Variants in KTN1 observed in about 807,000 individuals in gnomAD.
The protein encoded by KTN1 is kinectin 1.
In KTN1, 130 loss-of-function variants were observed where a neutral mutation model predicts 222.5. That is an observed-to-expected ratio of 0.58 (90% CI 0.51 to 0.68). The LOEUF (loss-of-function observed/expected upper bound fraction) is 0.68. Ranked by LOEUF, KTN1 falls within the 30% of genes least tolerant of loss-of-function variation. KTN1 has a pLI of 0.00. For synonymous variants in KTN1, 512 were observed against 496.3 expected (o/e 1.03, Z -0.42); for missense variants, 1,508 against 1,500.4 (o/e 1.01, Z -0.08).
chr14:55,620,430 T>A (rs2093800), intron 5 of KTN1, among the ~76,000 whole-genome samples: 2 of 151,976 alleles, frequency 1.3e-5, no homozygotes. Flanking sequence ...TTTCCCTTCC[T>A]CACTACCCTA....
intron 43 of KTN1, chr14:55,683,413 A>T (rs937443984): frequency 6.6e-6 from 1 of 152,136 alleles, no homozygotes; most frequent in Admixed American, 6.5e-5. Flanking sequence ...ATGACATTTT[A>T]TCTCTAAGTA....
chr14:55,624,018 T>C (rs1372496331), intron 5 of KTN1, among the ~76,000 whole-genome samples: 2 of 152,312 alleles, frequency 1.3e-5, no homozygotes, highest in South Asian at 2.1e-4. Flanking sequence ...TGGAAACTAT[T>C]AAAGATAGCA....
chr14:55,599,153 TA>T (rs1471980769), intron 1 of KTN1, among the ~76,000 whole-genome samples: 1 of 152,206 alleles, frequency 6.6e-6, no homozygotes, highest in Non-Finnish European at 1.5e-5. Flanking sequence ...ACATAATTTA[TA>T]AAATTCAAGT....
Position 55,650,637 on chromosome 14 carries a change from G to A in KTN1, c.2565G>A (p.Gln855=). 1.2e-6 allele frequency: 2 copies of A among 1,601,264 alleles called. No individual in the cohort carries two copies. Among genetic ancestry groups the A allele is most frequent in the South Asian group, 1.1e-5 (1 of 90,492 alleles). ...ATGTCCAGCTTGAAAAGGCTCAACA[G>A]GTAAAAATCCCAGAGCCATAGCATG... ...IGNVQLEKAQ[Q]LSITSKVQEL... The change falls in exon 24 of 44, where the codon CAG becomes CAA. Residue 855 remains glutamine (Q), a splice_region_variant and synonymous_variant. Transcript: ENST00000395314.
Position 55,684,109 on chromosome 14 carries a change from T to C in KTN1, c.*6T>C. The C allele has an allele frequency of 6.2e-7, 1 of 1,602,190 alleles. No individual in the cohort carries two copies. The highest frequency in any genetic ancestry group is 8.5e-7 in the Non-Finnish European group (1 of 1,172,604). Reference sequence around the variant, plus strand: ...TCTGATCTTTTACAGAGTGAAGTAATTGGGAAACTGTTCATTTGAGGATAA... The same window carrying C: ...TCTGATCTTTTACAGAGTGAAGTAACTGGGAAACTGTTCATTTGAGGATAA... On this transcript the variant is annotated 3_prime_UTR_variant, in exon 44 of 44. Coordinates refer to ENST00000395314, the MANE Select transcript of KTN1 (RefSeq NM_001079521.2).
At chr14:55,662,207 C>T (rs960405522) in intron 32 of KTN1, among the ~76,000 whole-genome samples, 2 of 151,900 alleles carry the variant, frequency 1.3e-5, no homozygotes, top group African/African-American at 4.8e-5. Flanking sequence ...GCTGGAACTA[C>T]AGGCGTGCAC....
At chr14:55,672,572 T>C (rs1194576068) in intron 37 of KTN1, 58 bp from the exon 38 acceptor site, 2 of 1,017,378 alleles carry the variant, frequency 2.0e-6, no homozygotes, top group Non-Finnish European at 3.1e-6. Context: ...TTCTACAGGA[T>C]AGAAACTGCT....
In KTN1 at chr14:55,641,105, ATT is replaced by A; in HGVS notation, c.2022-13_2022-12del. The A allele has an allele frequency of 2.1e-6, 3 of 1,447,104 alleles. No homozygotes were observed. Among genetic ancestry groups the A allele is most frequent in the Non-Finnish European group, 2.8e-6 (3 of 1,057,982 alleles). The allele number at this position is 1,447,104 out of a possible 1,614,324, so 89.6% of individuals were successfully genotyped here. A position where few individuals can be genotyped will look rare whatever the true frequency, so the allele number is the denominator to read the frequency against. ...TTTTCTGAATGTATGAAGTATTTTAATTTTTTTTTTCACCCTCATAGTGTTTA... is the reference window on the plus strand; with the variant it reads ...TTTTCTGAATGTATGAAGTATTTTAATTTTTTTTCACCCTCATAGTGTTTA... On this transcript the variant is annotated intron_variant, in intron 16 of 43. Coordinates refer to ENST00000395314, the MANE Select transcript of KTN1 (RefSeq NM_001079521.2).
At chr14:55,588,362 T>C (rs2033452554) in intron 1 of KTN1, among the ~76,000 whole-genome samples, 1 of 152,190 alleles carries the variant, frequency 6.6e-6, no homozygotes, top group Non-Finnish European at 1.5e-5. Flanking sequence ...TAAGTACATA[T>C]CAAGTAATTC....
intron 18 of KTN1, 103 bp from the exon 19 acceptor site, chr14:55,646,870 A>T: frequency 1.4e-6 from 1 of 738,850 alleles, no homozygotes; most frequent in Non-Finnish European, 2.4e-6. Context: ...TTTTGTATCT[A>T]TTTAATAACC....
At chr14:55,663,768 C>T (rs577156770) in intron 32 of KTN1, 187 bp from the exon 33 acceptor site, 10 of 516,426 alleles carry the variant, frequency 1.9e-5, no homozygotes, top group Admixed American at 3.5e-5. Flanking sequence ...GGAAAGTGGG[C>T]GTCTTTATTT....
chr14:55,644,354 A>C, intron 18 of KTN1: 1 of 701,366 alleles, frequency 1.4e-6, no homozygotes, highest in Non-Finnish European at 2.6e-6. Context: ...ATTCTGGAGG[A>C]AAAGATTGAG....
In KTN1 at chr14:55,629,958, A is replaced by C. The variant is rs781500713; in HGVS notation, c.1082A>C (p.Glu361Ala). Reference protein sequence around the residue: ...TKDRCKQLTQEMMTEKERSNV... With the variant: ...TKDRCKQLTQAMMTEKERSNV... The stretch of plus-strand genomic sequence containing the variant: ...TAAATTTCTGGGATATTCTTTTAGG[A>C]AATGATGACAGAGAAAGAAAGAAGC... Residue 361 changes from glutamate (E) to alanine (A), a missense_variant and splice_region_variant, in exon 7 of 44, where the codon GAA becomes GCA. Transcript: ENST00000395314. 3.8e-6 allele frequency: 6 copies of C among 1,581,048 alleles called. No individual in the cohort carries two copies. In the South Asian group the frequency reaches 6.8e-5, roughly 18 times the overall value.
intron 22 of KTN1, 126 bp from the exon 23 acceptor site, chr14:55,650,202 G>A (rs2141105447): frequency 1.4e-6 from 1 of 692,994 alleles, no homozygotes; most frequent in Non-Finnish European, 2.5e-6. Context: ...ACAAAGACAT[G>A]TTGCTATTTT....
chr14:55,631,351 T>G (rs539530667), intron 7 of KTN1, among the ~76,000 whole-genome samples: 11 of 141,662 alleles, frequency 7.8e-5, no homozygotes, highest in East Asian at 4.1e-4. Flanking sequence ...GATATATATA[T>G]ATATATATAT....
At position 55,672,681 on chromosome 14, in the gene KTN1, G is replaced by T; in HGVS notation, c.3583G>T (p.Glu1195Ter). The T allele has an allele frequency of 6.3e-7, 1 of 1,597,234 alleles. No homozygotes were observed. Among genetic ancestry groups the T allele is most frequent in the South Asian group, 1.1e-5 (1 of 90,460 alleles). ...SEQELERLRS[E>*]NKDIENLRRE... is the part of the protein sequence containing the mutation. The stretch of plus-strand genomic sequence containing the variant: ...ACAAGAGCTAGAGCGATTAAGAAGC[G>T]AAAATAAGGATATTGAAAATGTATG... Residue 1195 changes from glutamate (E) to a stop codon, truncating the protein, a stop_gained, in exon 38 of 44, where the codon GAA (glutamate) becomes TAA (stop). Coordinates refer to ENST00000395314, the MANE Select transcript of KTN1 (RefSeq NM_001079521.2). LOFTEE classifies it high-confidence loss of function.
At chr14:55,631,156 G>T (rs2040460746) in intron 7 of KTN1, among the ~76,000 whole-genome samples, 1 of 151,650 alleles carries the variant, frequency 6.6e-6, no homozygotes, top group Admixed American at 6.6e-5. Flanking sequence ...TGCTAAAGAG[G>T]TTATTGAAGA....
At chr14:55,626,830 T>C (rs2039892223) in intron 5 of KTN1, among the ~76,000 whole-genome samples, 1 of 152,174 alleles carries the variant, frequency 6.6e-6, no homozygotes, top group Non-Finnish European at 1.5e-5. Context: ...CTTTGAGTGA[T>C]GTTTTTCCTC....
intron 34 of KTN1, chr14:55,667,787 A>G (rs754845910): frequency 1.8e-4 from 28 of 152,438 alleles, no homozygotes; most frequent in South Asian, 4.1e-4. Context: ...ATAATATAGA[A>G]CAACTTGGTT....
Sources: gnomAD v4.1 joint callset for allele counts (sites outside exome capture counted in the v4.1 genomes callset) on GRCh38, gnomAD v4.1.1 for gene constraint, MANE v1.5 for transcripts, NCBI Gene and HGNC (gene_info 2026-07-23, HGNC 2026-07-21) for gene names.